Variants in RAB3C observed in about 807,000 individuals in gnomAD.
The protein encoded by RAB3C is ras-related protein Rab-3C.
In RAB3C, 17 loss-of-function variants were observed where a neutral mutation model predicts 26.4. The ratio of observed to expected loss-of-function variants is 0.64; its 90% CI spans 0.44 to 0.97. The LOEUF (loss-of-function observed/expected upper bound fraction) is 0.97. Among genes scored for constraint, RAB3C ranks in the 50% least tolerant of loss-of-function variants. The pLI is 0.00. For synonymous variants in RAB3C, 91 were observed against 95.9 expected (o/e 0.95, Z 0.30); for missense variants, 242 against 281.9 (o/e 0.86, Z 1.01).
chr5:58,749,242 A>G (rs573701317), intron 3 of RAB3C, among the ~76,000 whole-genome samples: 1 of 152,170 alleles, frequency 6.6e-6, no homozygotes, highest in Admixed American at 6.5e-5. Flanking sequence ...GCCCTTCACC[A>G]TCTTTCTTTC....
At chr5:58,721,491 CATTTT>C (rs1740761751) in intron 2 of RAB3C, among the ~76,000 whole-genome samples, 1 of 151,734 alleles carries the variant, frequency 6.6e-6, no homozygotes, top group South Asian at 2.1e-4. Context: ...GAAAAGATAC[CATTTT>C]AGTTAGTTAC....
chr5:58,833,658 A>T (rs1457815428), intron 4 of RAB3C, among the ~76,000 whole-genome samples: 1 of 152,224 alleles, frequency 6.6e-6, no homozygotes, highest in Non-Finnish European at 1.5e-5. Flanking sequence ...GCAGAAGGGA[A>T]GACATCCAGA....
intron 3 of RAB3C, among the ~76,000 whole-genome samples, chr5:58,810,405 G>C (rs1380890528): frequency 2.0e-5 from 3 of 152,068 alleles, no homozygotes; most frequent in African/African-American, 7.2e-5. Context: ...GTGTGTGTGT[G>C]TGTGTGTGTG....
chr5:58,703,165 C>T (rs1008629480), intron 2 of RAB3C, among the ~76,000 whole-genome samples: 6 of 152,126 alleles, frequency 3.9e-5, no homozygotes, highest in Non-Finnish European at 7.4e-5. Flanking sequence ...TGAATAAGAT[C>T]TTGTTTATTC....
chr5:58,831,030 C>T (rs987231003), intron 4 of RAB3C, among the ~76,000 whole-genome samples: 1 of 152,084 alleles, frequency 6.6e-6, no homozygotes, highest in South Asian at 2.1e-4. Flanking sequence ...CATGCACCAC[C>T]ATGCCTGGCT....
Position 58,858,581 on chromosome 5 carries a change from T to A in RAB3C, c.*7230T>A, listed in dbSNP as rs112568532. The A allele has an allele frequency of 1.3e-5, 2 of 152,138 alleles. No homozygotes were observed. Among genetic ancestry groups the A allele is most frequent in the Admixed American group, 6.6e-5 (1 of 15,260 alleles). The allele number at this position is 152,138 out of a possible 1,614,324, so 9.4% of individuals were successfully genotyped here. A position where few individuals can be genotyped will look rare whatever the true frequency, so the allele number is the denominator to read the frequency against. ...ACTGGAAGAGTCAGAGAGGGCTCCA[T>A]TGAAGAGGTCAAACATAATTCCGGA... On this transcript the variant is annotated 3_prime_UTR_variant, in exon 5 of 5. Transcript: ENST00000282878.
chr5:58,598,428 G>A (rs1392733227), intron 1 of RAB3C, among the ~76,000 whole-genome samples: 1 of 151,852 alleles, frequency 6.6e-6, no homozygotes, highest in Non-Finnish European at 1.5e-5. Context: ...TGAGTTCCTG[G>A]GGTTCCCTTT....
At chr5:58,838,551 A>G (rs1288760082) in intron 4 of RAB3C, among the ~76,000 whole-genome samples, 1 of 152,198 alleles carries the variant, frequency 6.6e-6, no homozygotes, top group Non-Finnish European at 1.5e-5. Flanking sequence ...GTGGTCAGGT[A>G]AGATACTTAA....
At chr5:58,693,322 T>TTA (rs1554048040) in intron 2 of RAB3C, among the ~76,000 whole-genome samples, 1,187 of 75,092 alleles carry the variant, frequency 0.016, 36 homozygotes, top group African/African-American at 0.056. Flanking sequence ...AATTAAGAAA[T>TTA]TATATATATA....
intron 3 of RAB3C, among the ~76,000 whole-genome samples, chr5:58,745,135 C>T (rs183437524): frequency 3.2e-4 from 49 of 152,076 alleles, no homozygotes; most frequent in Admixed American, 2.3e-3. Context: ...CGGTGGCTCA[C>T]GCCTGTAATC....
At position 58,680,562 on chromosome 5, in the gene RAB3C, G is replaced by A. The variant is rs112513014; in HGVS notation, c.253-45440G>A. Among the ~76,000 whole-genome samples, 685 of 152,266 alleles carry A rather than the reference G, an allele frequency of 4.5e-3. 1 individual carries two copies. The highest frequency in any genetic ancestry group is 0.014 in the African/African-American group (586 of 41,540). ...CACAAATATATTATCTTATAGTTCT[G>A]AAGTTAGAAGTCCAAAATCAGTCCC... is the stretch of plus-strand genomic sequence containing the variant. On this transcript the variant is annotated intron_variant, in intron 2 of 4. Coordinates refer to ENST00000282878, the MANE Select transcript of RAB3C (RefSeq NM_138453.4).
chr5:58,602,278 A>G (rs59221607), intron 1 of RAB3C, among the ~76,000 whole-genome samples: 19,302 of 152,164 alleles, frequency 0.13, 1,348 homozygotes, highest in African/African-American at 0.18. Flanking sequence ...CATATGGTCT[A>G]TCTTGGAGAA....
chr5:58,797,396 T>TATATATATATATATATATAC (rs1561133620), intron 3 of RAB3C, among the ~76,000 whole-genome samples: 1 of 116,814 alleles, frequency 8.6e-6, no homozygotes, highest in African/African-American at 3.6e-5. Context: ...TATATATATA[T>TATATATATATATATATATAC]ACACAGAGAG....
At chr5:58,815,617 A>T (rs1174296320) in intron 3 of RAB3C, 1 of 152,226 alleles carries the variant, frequency 6.6e-6, no homozygotes, top group African/African-American at 2.4e-5. Flanking sequence ...GGGCACTGGC[A>T]TCACATAAGA....
At chr5:58,630,259 G>T (rs1326889869) in intron 2 of RAB3C, among the ~76,000 whole-genome samples, 1 of 152,170 alleles carries the variant, frequency 6.6e-6, no homozygotes, top group Non-Finnish European at 1.5e-5. Context: ...CTGTTTTAAG[G>T]AATTACCTAA....
At chr5:58,839,460 T>G (rs1743828146) in intron 4 of RAB3C, among the ~76,000 whole-genome samples, 1 of 152,044 alleles carries the variant, frequency 6.6e-6, no homozygotes, top group Non-Finnish European at 1.5e-5. Context: ...AACATCCGCC[T>G]CCCAGGTTCA....
chr5:58,621,846 G>C (rs1253823896), intron 2 of RAB3C, among the ~76,000 whole-genome samples: 1 of 152,160 alleles, frequency 6.6e-6, no homozygotes, highest in African/African-American at 2.4e-5. Flanking sequence ...AAAGTGCTGG[G>C]ATTACAGGCA....
intron 4 of RAB3C, among the ~76,000 whole-genome samples, chr5:58,844,168 G>C (rs574172035): frequency 6.6e-6 from 1 of 152,162 alleles, no homozygotes; most frequent in Non-Finnish European, 1.5e-5. Flanking sequence ...TTTCTGGGGG[G>C]TGATGACAAT....
In RAB3C at chr5:58,726,103, C is replaced by T; in HGVS notation, c.354C>T (p.Phe118=). The change falls in exon 3 of 5, where the codon TTC becomes TTT. Residue 118 remains phenylalanine, a synonymous_variant. Transcript: ENST00000282878. The part of the protein sequence containing the change: ...LMYDITNEES[F]NAVQDWSTQI... ...ATGACATTACAAATGAAGAATCCTT[C>T]AATGCAGTACAAGATTGGTAAGTCA... The T allele has an allele frequency of 1.3e-6, 2 of 1,564,608 alleles. No homozygotes were observed. Among genetic ancestry groups the T allele is most frequent in the Non-Finnish European group, 1.8e-6 (2 of 1,139,908 alleles).
Sources: gnomAD v4.1 joint callset for allele counts (sites outside exome capture counted in the v4.1 genomes callset) on GRCh38, gnomAD v4.1.1 for gene constraint, MANE v1.5 for transcripts, NCBI Gene and HGNC (gene_info 2026-07-23, HGNC 2026-07-21) for gene names.